MEIS1: variants seen among roughly 807,000 people sequenced by gnomAD.
MEIS1 encodes Meis homeobox 1.
In MEIS1, 5 loss-of-function variants were observed where a neutral mutation model predicts 50.8. The ratio of observed to expected loss-of-function variants is 0.10; its 90% confidence interval spans 0.05 to 0.21. The LOEUF (loss-of-function observed/expected upper bound fraction) is 0.21, where lower values mean the gene tolerates loss of function less well. Ranked by LOEUF, MEIS1 falls within the 10% of genes least tolerant of loss-of-function variation. The probability of loss-of-function intolerance (pLI) is 1.00; values close to 1 mark genes in which losing one functional copy is unlikely to be tolerated. For missense variants in MEIS1, 318 were observed against 517.3 expected, an observed-to-expected ratio of 0.61 and a Z score of 3.74; for synonymous variants, 176 against 179.3, an observed-to-expected ratio of 0.98 and a Z score of 0.15.
chr2:66,508,185 G>A (rs1023782285), intron 7 of MEIS1, among the ~76,000 whole-genome samples: 2 of 152,152 alleles, frequency 1.3e-5, no homozygotes, highest in East Asian at 1.9e-4. Context: ...TTTTTAAATA[G>A]TGTCTTGTTG....
intron 7 of MEIS1, among the ~76,000 whole-genome samples, chr2:66,473,102 G>A (rs1672800396): frequency 6.6e-6 from 1 of 151,896 alleles, no homozygotes; most frequent in Non-Finnish European, 1.5e-5. Flanking sequence ...TATAAGGCCG[G>A]GCGCGGTGGC....
chr2:66,553,168 G>A (rs1274174575), intron 9 of MEIS1, among the ~76,000 whole-genome samples: 1 of 152,208 alleles, frequency 6.6e-6, no homozygotes, highest in Non-Finnish European at 1.5e-5. Flanking sequence ...GGATGGAACA[G>A]CTTCACACAT....
rs1268337402 is a variant in MEIS1 at position 66,441,481 on chromosome 2, C to T, written c.483+17C>T. On this transcript the variant is annotated intron_variant, in intron 5 of 12. Transcript: ENST00000272369. Reference sequence around the variant, plus strand: ...TTAGAGAAGGTAATTTCTCTAGCCTCTTTTCCTTTTACTTACCCCTTACCC... The same window carrying T: ...TTAGAGAAGGTAATTTCTCTAGCCTTTTTTCCTTTTACTTACCCCTTACCC... The T allele has an allele frequency of 6.5e-7, 1 of 1,535,382 alleles. No individual in the cohort carries two copies. The highest frequency in any genetic ancestry group is 2.1e-5 in the Admixed American group (1 of 47,640).
intron 9 of MEIS1, among the ~76,000 whole-genome samples, chr2:66,559,151 G>T (rs866776612): frequency 1.3e-4 from 18 of 140,306 alleles, no homozygotes; most frequent in African/African-American, 4.5e-4. Context: ...GAGAGAGAGA[G>T]ACTCTGTCTC....
At chr2:66,510,059 T>G (rs1380066151) in intron 7 of MEIS1, among the ~76,000 whole-genome samples, 1 of 152,184 alleles carries the variant, frequency 6.6e-6, no homozygotes, top group Non-Finnish European at 1.5e-5. Context: ...TAATCAATGA[T>G]CAGGTCGTAT....
Position 66,441,470 on chromosome 2 carries a change from T to G in MEIS1, c.483+6T>G. ...ATCTATTGGAATTAGAGAAGGTAAT[T>G]TCTCTAGCCTCTTTTCCTTTTACTT... On this transcript the variant is annotated splice_donor_region_variant and intron_variant, in intron 5 of 12. Transcript: ENST00000272369. 1 of 1,542,820 alleles carries G rather than the reference T, an allele frequency of 6.5e-7. No individual in the cohort carries two copies. The highest frequency in any genetic ancestry group is 1.2e-5 in the South Asian group (1 of 80,136).
At chr2:66,491,557 A>G (rs1161405675) in intron 7 of MEIS1, among the ~76,000 whole-genome samples, 1 of 152,184 alleles carries the variant, frequency 6.6e-6, no homozygotes, top group African/African-American at 2.4e-5. Flanking sequence ...GATATAAACA[A>G]CATTGTTTAC....
chr2:66,521,611 A>AT (rs1265852679), intron 8 of MEIS1, among the ~76,000 whole-genome samples: 1 of 152,180 alleles, frequency 6.6e-6, no homozygotes, highest in African/African-American at 2.4e-5. Flanking sequence ...ATAAAATGTA[A>AT]TTTTAGTAAT....
intron 8 of MEIS1, among the ~76,000 whole-genome samples, chr2:66,532,244 G>C (rs1674410707): frequency 6.6e-6 from 1 of 152,158 alleles, no homozygotes; most frequent in South Asian, 2.1e-4. Flanking sequence ...CCCGTAGGCA[G>C]ATTTTTGAAC....
chr2:66,439,545 C>G (rs1671896296), intron 2 of MEIS1: 2 of 1,504,066 alleles, frequency 1.3e-6, no homozygotes, highest in African/African-American at 1.4e-5. Context: ...AAAATGGCTG[C>G]TGGAAACGCT....
chr2:66,459,542 T>A (rs1019742139), intron 6 of MEIS1, among the ~76,000 whole-genome samples: 1 of 152,156 alleles, frequency 6.6e-6, no homozygotes. Flanking sequence ...GCGTATGATC[T>A]GGTGGAATGG....
intron 7 of MEIS1, among the ~76,000 whole-genome samples, chr2:66,494,237 A>G (rs1354000333): frequency 6.6e-6 from 1 of 152,206 alleles, no homozygotes; most frequent in Non-Finnish European, 1.5e-5. Context: ...AGAAATGAAG[A>G]GTTAGCAAAC....
chr2:66,573,803 G>A lies in MEIS1; in HGVS notation c.*2595G>A, dbSNP rs1226384810. Reference sequence around the variant, plus strand: ...TGAGTGAAATCATTCTCTTTTGATAGGTGGTTGCTAGCAGTTAACAACCAT... The same window carrying A: ...TGAGTGAAATCATTCTCTTTTGATAAGTGGTTGCTAGCAGTTAACAACCAT... On this transcript the variant is annotated 3_prime_UTR_variant, in exon 13 of 13. Coordinates refer to ENST00000272369, the MANE Select transcript of MEIS1 (RefSeq NM_002398.3). 6.6e-6 allele frequency: 1 copy of A among 152,162 alleles called. No individual in the cohort carries two copies. Among genetic ancestry groups the A allele is most frequent in the Admixed American group, 6.5e-5 (1 of 15,278 alleles). The allele number at this position is 152,162 out of a possible 1,614,324, so 9.4% of individuals were successfully genotyped here. A position where few individuals can be genotyped will look rare whatever the true frequency, so the allele number is the denominator to read the frequency against.
At chr2:66,534,274 A>T (rs534684090) in intron 8 of MEIS1, among the ~76,000 whole-genome samples, 1 of 152,260 alleles carries the variant, frequency 6.6e-6, no homozygotes, top group Admixed American at 6.5e-5. Flanking sequence ...AGTGGCTCAC[A>T]CCTGTAATCC....
At chr2:66,508,721 G>C (rs1025737887) in intron 7 of MEIS1, among the ~76,000 whole-genome samples, 1 of 152,236 alleles carries the variant, frequency 6.6e-6, no homozygotes, top group Non-Finnish European at 1.5e-5. Flanking sequence ...CCACAACGTT[G>C]CTTGCACTAG....
intron 6 of MEIS1, among the ~76,000 whole-genome samples, chr2:66,452,963 C>A (rs887559619): frequency 6.6e-6 from 1 of 151,822 alleles, no homozygotes; most frequent in African/African-American, 2.4e-5. Flanking sequence ...TTTTTTTATT[C>A]TAATAATTAT....
At chr2:66,457,976 G>T (rs1172278391) in intron 6 of MEIS1, among the ~76,000 whole-genome samples, 1 of 152,156 alleles carries the variant, frequency 6.6e-6, no homozygotes, top group African/African-American at 2.4e-5. Context: ...GAGAGTAAAT[G>T]TACCTCCCCA....
At chr2:66,560,533 G>C (rs946728744) in intron 9 of MEIS1, among the ~76,000 whole-genome samples, 6 of 150,594 alleles carry the variant, frequency 4.0e-5, no homozygotes, top group Non-Finnish European at 7.4e-5. Flanking sequence ...TTGCTAAGCT[G>C]TGATAGTGCC....
intron 6 of MEIS1, among the ~76,000 whole-genome samples, chr2:66,446,859 C>T (rs1023018076): frequency 6.6e-6 from 1 of 152,220 alleles, no homozygotes. Context: ...AGGCCGGGCC[C>T]GGTGCGCTTT....
Sources: allele counts gnomAD v4.1 joint callset (sites outside exome capture counted in the v4.1 genomes callset), GRCh38; gene constraint gnomAD v4.1.1; transcripts MANE v1.5; gene names NCBI Gene and HGNC (gene_info 2026-07-23, HGNC 2026-07-21).